The following ENPP2 variants were observed in gnomAD, a reference collection of about 807,000 sequenced individuals.
ENPP2 encodes ectonucleotide pyrophosphatase/phosphodiesterase 2.
Under a neutral mutation model 120.2 loss-of-function variants are expected in ENPP2, and 51 were observed. The observed-to-expected ratio is 0.42, with a 90% CI of 0.34 to 0.54. The LOEUF is 0.54. ENPP2 is among the 20% of genes least tolerant of loss of function. ENPP2 has a pLI of 0.04. For synonymous variants in ENPP2, 365 were observed against 366.4 expected (o/e 1.00, Z 0.04); for missense variants, 920 against 1,066.5 (o/e 0.86, Z 1.91).
intron 3 of ENPP2, among the ~76,000 whole-genome samples, chr8:119,623,736 C>T (rs1816074845): frequency 6.6e-6 from 1 of 151,992 alleles, no homozygotes; most frequent in African/African-American, 2.4e-5. Context: ...AGTGATTCTC[C>T]TGACTCAGCT....
intron 1 of ENPP2, among the ~76,000 whole-genome samples, chr8:119,669,129 T>TATATTCA (rs1818166905): frequency 1.3e-5 from 2 of 152,246 alleles, no homozygotes; most frequent in African/African-American, 2.4e-5. Context: ...ATATCAATGA[T>TATATTCA]GCTGAATAAA....
Position 119,587,070 on chromosome 8 carries a change from G to T in ENPP2, c.1213C>A (p.Pro405Thr). The T allele has an allele frequency of 6.2e-7, 1 of 1,608,144 alleles. No individual in the cohort carries two copies. Among genetic ancestry groups the T allele is most frequent in the Admixed American group, 1.7e-5 (1 of 59,158 alleles). The change falls in exon 14 of 25, where the codon CCC becomes ACC. Residue 405 changes from proline (P) to threonine (T), a missense_variant. By Grantham distance (38) the Pro-to-Thr change is conservative. Transcript: ENST00000075322. ...SKFSNNAKYDPKAIIANLTCK... is the reference protein window; with the variant it reads ...SKFSNNAKYDTKAIIANLTCK... ...GTGAGATTGGCAATAATGGCTTTGG[G>T]GTCATCTGTTCAAAGAGAGGAGAAA... is the stretch of plus-strand genomic sequence containing the variant.
chr8:119,607,767 GA>G (rs1327407077), intron 9 of ENPP2, among the ~76,000 whole-genome samples, 154 bp downstream of exon 9: 1 of 151,748 alleles, frequency 6.6e-6, no homozygotes, highest in Non-Finnish European at 1.5e-5. Context: ...AGGATCTCAG[GA>G]AAAAAACACC....
At chr8:119,626,338 C>A (rs1261936136) in intron 3 of ENPP2, among the ~76,000 whole-genome samples, 1 of 152,220 alleles carries the variant, frequency 6.6e-6, no homozygotes, top group Non-Finnish European at 1.5e-5. Flanking sequence ...AAAACCAGCA[C>A]ATCATGACTG....
At chr8:119,643,066 A>G (rs116242453), upstream of ENPP2, among the ~76,000 whole-genome samples, 32 of 152,328 alleles carry the variant, frequency 2.1e-4, no homozygotes, top group African/African-American at 7.7e-4. Context: ...TAACCATGTC[A>G]TTTTCTGTAG....
chr8:119,622,954 A>G (rs1453582265), intron 3 of ENPP2, among the ~76,000 whole-genome samples: 1 of 152,216 alleles, frequency 6.6e-6, no homozygotes, highest in Non-Finnish European at 1.5e-5. Flanking sequence ...AGGAAGTAAC[A>G]GGTGGCATTG....
intron 23 of ENPP2, 29 bp downstream of exon 23, chr8:119,564,794 C>A: frequency 6.3e-7 from 1 of 1,598,302 alleles, no homozygotes; most frequent in South Asian, 1.1e-5. Context: ...ACTTAAAAAT[C>A]ACACACTGAG....
intron 8 of ENPP2, among the ~76,000 whole-genome samples, chr8:119,610,603 G>A (rs1815029960): frequency 6.6e-6 from 1 of 151,410 alleles, no homozygotes; most frequent in Non-Finnish European, 1.5e-5. Context: ...TCAGAGGGTA[G>A]TTTAAAAAAA....
upstream of ENPP2, chr8:119,638,857 T>A: frequency 6.2e-7 from 1 of 1,603,490 alleles, no homozygotes; most frequent in Non-Finnish European, 8.5e-7. Flanking sequence ...GGCTCTGGGT[T>A]TAGTCTATTA....
intron 15 of ENPP2, among the ~76,000 whole-genome samples, chr8:119,584,935 A>C (rs998912207): frequency 1.3e-5 from 2 of 152,236 alleles, no homozygotes; most frequent in Non-Finnish European, 2.9e-5. Context: ...AATAAGACAT[A>C]TGCATACAAT....
chr8:119,605,646 T>TTC (rs1814669725), intron 9 of ENPP2, among the ~76,000 whole-genome samples: 1 of 151,198 alleles, frequency 6.6e-6, no homozygotes, highest in Admixed American at 6.6e-5. Context: ...TTTTTTTTTT[T>TTC]TAGGAGAGAC....
chr8:119,638,145 C>T (rs1817118414), intron 2 of ENPP2, among the ~76,000 whole-genome samples: 1 of 152,178 alleles, frequency 6.6e-6, no homozygotes, highest in South Asian at 2.1e-4. Context: ...CTACTTTAGC[C>T]TTGTCTGTGA....
At chr8:119,594,916 AT>A (rs1813782182) in intron 11 of ENPP2, among the ~76,000 whole-genome samples, 1 of 152,208 alleles carries the variant, frequency 6.6e-6, no homozygotes, top group Admixed American at 6.5e-5. Context: ...CTGTTATTTC[AT>A]TGGGAAATCA....
chr8:119,632,036 C>A (rs1373416282), intron 2 of ENPP2, among the ~76,000 whole-genome samples: 1 of 152,194 alleles, frequency 6.6e-6, no homozygotes, highest in Non-Finnish European at 1.5e-5. Flanking sequence ...TTTGTTCCTG[C>A]ATGCATTTGA....
intron 1 of ENPP2, among the ~76,000 whole-genome samples, chr8:119,649,734 T>TA (rs1377253913): frequency 2.0e-5 from 3 of 152,190 alleles, no homozygotes; most frequent in Non-Finnish European, 2.9e-5. Flanking sequence ...ATCCAATTTT[T>TA]AAAAAATGAT....
At chr8:119,572,025 A>G (rs1281305025) in intron 19 of ENPP2, 3 of 592,764 alleles carry the variant, frequency 5.1e-6, no homozygotes, top group Admixed American at 6.0e-5. Context: ...TAAGCTGCCA[A>G]ATTTGGGGAC....
At chr8:119,640,369 T>G (rs543148192), upstream of ENPP2, among the ~76,000 whole-genome samples, 1 of 152,288 alleles carries the variant, frequency 6.6e-6, no homozygotes, top group South Asian at 2.1e-4. Context: ...ATGTTAAATT[T>G]CAAGATACAA....
intron 23 of ENPP2, among the ~76,000 whole-genome samples, 153 bp from the exon 24 acceptor site, chr8:119,563,166 T>C (rs1814114323): frequency 6.6e-6 from 1 of 152,226 alleles, no homozygotes; most frequent in African/African-American, 2.4e-5. Flanking sequence ...CCCACTTCTA[T>C]GTCTTTGAAA....
At chr8:119,569,580 A>G (rs1034531919) in intron 20 of ENPP2, among the ~76,000 whole-genome samples, 15 of 152,230 alleles carry the variant, frequency 9.9e-5, no homozygotes, top group Admixed American at 4.6e-4. Context: ...TTTAATCAAC[A>G]TAACTCTCTT....
Sources: gnomAD v4.1 joint callset for allele counts (sites outside exome capture counted in the v4.1 genomes callset) on GRCh38, gnomAD v4.1.1 for gene constraint, MANE v1.5 for transcripts, NCBI Gene and HGNC (gene_info 2026-07-23, HGNC 2026-07-21) for gene names.